TNIK: variants seen among roughly 807,000 people sequenced by gnomAD.
TNIK encodes the protein TRAF2 and NCK interacting kinase.
In TNIK, 49 loss-of-function variants were observed where a neutral mutation model predicts 191.3. That is an observed-to-expected ratio of 0.26 (90% CI 0.20 to 0.32). TNIK has a LOEUF of 0.32. TNIK is among the 10% of genes least tolerant of loss of function. TNIK has a pLI of 1.00. For synonymous variants in TNIK, 594 were observed against 600.9 expected (o/e 0.99, Z 0.17); for missense variants, 1,155 against 1,702.3 (o/e 0.68, Z 5.66).
Position 171,128,892 on chromosome 3 carries a change from A to C in TNIK, c.1609-14T>G, listed in dbSNP as rs1354847133. On this transcript the variant is annotated splice_polypyrimidine_tract_variant and intron_variant, in intron 15 of 32. Coordinates refer to ENST00000436636, the MANE Select transcript of TNIK (RefSeq NM_015028.4). ...CCGTTCTTCTACCTACAACCCAAAA[A>C]AAAAAAAAAAAAAAAGACAGCCTCA... 7.5e-7 allele frequency: 1 copy of C among 1,328,256 alleles called. No individual in the cohort carries two copies. Among genetic ancestry groups the C allele is most frequent in the Non-Finnish European group, 1.0e-6 (1 of 984,886 alleles). The allele number at this position is 1,328,256 out of a possible 1,614,324, so 82.3% of individuals were successfully genotyped here. A position where few individuals can be genotyped will look rare whatever the true frequency, so the allele number is the denominator to read the frequency against.
At chr3:171,218,907 T>C (rs1268369049) in intron 3 of TNIK, among the ~76,000 whole-genome samples, 1 of 135,726 alleles carries the variant, frequency 7.4e-6, no homozygotes, top group African/African-American at 2.7e-5. Flanking sequence ...TACATATTTA[T>C]ATTAAATATA....
At chr3:171,402,660 C>CA in intron 1 of TNIK, among the ~76,000 whole-genome samples, 1 of 152,180 alleles carries the variant, frequency 6.6e-6, no homozygotes, top group Non-Finnish European at 1.5e-5. Flanking sequence ...CCTCCAGCTT[C>CA]AAAAAAACAT....
intron 1 of TNIK, among the ~76,000 whole-genome samples, chr3:171,449,552 C>T (rs1402482932): frequency 6.6e-6 from 1 of 151,742 alleles, no homozygotes; most frequent in Non-Finnish European, 1.5e-5. Context: ...ATAATATGTA[C>T]AATATTATCT....
At chr3:171,231,372 G>A (rs1423302978) in intron 2 of TNIK, among the ~76,000 whole-genome samples, 1 of 150,494 alleles carries the variant, frequency 6.6e-6, no homozygotes, top group Non-Finnish European at 1.5e-5. Flanking sequence ...AGGTAACACT[G>A]GAAAAGAAAA....
At chr3:171,224,288 G>T (rs1009057251) in intron 3 of TNIK, among the ~76,000 whole-genome samples, 1 of 151,962 alleles carries the variant, frequency 6.6e-6, no homozygotes, top group Non-Finnish European at 1.5e-5. Context: ...GTGGCGGTTT[G>T]GTACTACAAC....
chr3:171,140,549 C>T, intron 12 of TNIK, 40 bp from the exon 13 acceptor site: 1 of 1,597,064 alleles, frequency 6.3e-7, no homozygotes, highest in Non-Finnish European at 8.6e-7. Flanking sequence ...GGCAACAGGC[C>T]CCGGTGGGGG....
intron 28 of TNIK, among the ~76,000 whole-genome samples, chr3:171,074,569 G>A (rs1007444180): frequency 6.6e-5 from 10 of 151,860 alleles, no homozygotes; most frequent in African/African-American, 2.2e-4. Flanking sequence ...CAGGGTGAAA[G>A]AAGAAATAAA....
intron 1 of TNIK, among the ~76,000 whole-genome samples, chr3:171,374,016 G>T (rs1716890297): frequency 6.6e-6 from 1 of 152,140 alleles, no homozygotes; most frequent in African/African-American, 2.4e-5. Flanking sequence ...ATTTATCTTG[G>T]TATTTCCAGC....
At chr3:171,311,160 A>G (rs1388678143) in intron 2 of TNIK, among the ~76,000 whole-genome samples, 1 of 152,198 alleles carries the variant, frequency 6.6e-6, no homozygotes, top group East Asian at 1.9e-4. Flanking sequence ...AAAAAATTCA[A>G]TTCAGTAGCT....
chr3:171,337,061 T>C (rs1757027287), intron 2 of TNIK, among the ~76,000 whole-genome samples: 2 of 152,108 alleles, frequency 1.3e-5, no homozygotes, highest in South Asian at 2.1e-4. Context: ...ATGAGGATAA[T>C]GAAGTACCTA....
chr3:171,274,353 A>T (rs1442774875), intron 2 of TNIK, among the ~76,000 whole-genome samples: 1 of 152,058 alleles, frequency 6.6e-6, no homozygotes, highest in East Asian at 1.9e-4. Context: ...AAACTGAGCC[A>T]CTCTCTCTCA....
chr3:171,460,177 C>T lies in TNIK; in HGVS notation c.-114G>A, dbSNP rs952716629. 4 of 1,336,620 alleles carry T rather than the reference C, an allele frequency of 3.0e-6. No individual in the cohort carries two copies. Among genetic ancestry groups the T allele is most frequent in the Non-Finnish European group, 4.1e-6 (4 of 967,862 alleles). The allele number at this position is 1,336,620 out of a possible 1,614,324, so 82.8% of individuals were successfully genotyped here. A position where few individuals can be genotyped will look rare whatever the true frequency, so the allele number is the denominator to read the frequency against. ...CATGCGGGTGTCGCGCCAGAGGCCCCGGGCCCAGCCTCCCCCGCCCACCCC... is the reference window on the plus strand; with the variant it reads ...CATGCGGGTGTCGCGCCAGAGGCCCTGGGCCCAGCCTCCCCCGCCCACCCC... On this transcript the variant is annotated 5_prime_UTR_variant, in exon 1 of 33. Coordinates refer to ENST00000436636, the MANE Select transcript of TNIK (RefSeq NM_015028.4). The surrounding 1 kb of genome is among the most constrained non-coding windows in gnomAD (Gnocchi z 6.8).
At position 171,128,887 on chromosome 3, in the gene TNIK, C is replaced by CAAAAAAAAAAAAAA. The variant is rs59293515; in HGVS notation, c.1609-23_1609-10dup. ...CTTGACCGTTCTTCTACCTACAACC[C>CAAAAAAAAAAAAAA]AAAAAAAAAAAAAAAAAAAAGACAG... On this transcript the variant is annotated splice_polypyrimidine_tract_variant and intron_variant, in intron 15 of 32. Transcript: ENST00000436636. 3.2e-6 allele frequency: 4 copies of CAAAAAAAAAAAAAA among 1,245,212 alleles called. No individual in the cohort carries two copies. Among genetic ancestry groups the CAAAAAAAAAAAAAA allele is most frequent in the Admixed American group, 4.2e-5 (1 of 23,936 alleles). The allele number at this position is 1,245,212 out of a possible 1,614,324, so 77.1% of individuals were successfully genotyped here. A position where few individuals can be genotyped will look rare whatever the true frequency, so the allele number is the denominator to read the frequency against.
At chr3:171,106,932 T>C (rs555166037) in intron 21 of TNIK, among the ~76,000 whole-genome samples, 2 of 152,312 alleles carry the variant, frequency 1.3e-5, no homozygotes, top group African/African-American at 4.8e-5. Flanking sequence ...GCATGAATAC[T>C]TGTCATTAGC....
chr3:171,345,170 T>TA (rs1711962243), intron 2 of TNIK, among the ~76,000 whole-genome samples: 1 of 152,194 alleles, frequency 6.6e-6, no homozygotes, highest in South Asian at 2.1e-4. Context: ...CCCTTTTACT[T>TA]ACTGAAATGA....
chr3:171,078,845 G>A (rs899220266), intron 28 of TNIK, among the ~76,000 whole-genome samples: 12 of 152,176 alleles, frequency 7.9e-5, no homozygotes, highest in African/African-American at 2.7e-4. Context: ...GAGCTAAGTA[G>A]GGGTTAGAGG....
Position 171,184,386 on chromosome 3 carries a change from C to G in TNIK, c.639+4316G>C, listed in dbSNP as rs547101520. On this transcript the variant is annotated intron_variant, in intron 7 of 32. Transcript: ENST00000436636. ...TTGTCCATTTTCACTTGTTATGTGA[C>G]CAAAGGGAAAATATTAGAATAGCTC... Among the ~76,000 whole-genome samples, 6 of 152,210 alleles carry G rather than the reference C, an allele frequency of 3.9e-5. No individual in the cohort carries two copies. In the South Asian group the frequency reaches 1.2e-3, roughly 32 times the overall value.
chr3:171,316,115 G>A (rs1353423005), intron 2 of TNIK, among the ~76,000 whole-genome samples: 1 of 152,042 alleles, frequency 6.6e-6, no homozygotes, highest in Admixed American at 6.6e-5. Flanking sequence ...TGTGGGTTTG[G>A]TGCTTATCAC....
At chr3:171,286,567 A>G (rs1233852175) in intron 2 of TNIK, among the ~76,000 whole-genome samples, 1 of 152,202 alleles carries the variant, frequency 6.6e-6, no homozygotes, top group Non-Finnish European at 1.5e-5. Context: ...CCCAGGATGC[A>G]GAGGTTGCAG....
Sources: gnomAD v4.1 joint callset for allele counts (sites outside exome capture counted in the v4.1 genomes callset) on GRCh38, gnomAD v4.1.1 for gene constraint, Gnocchi (gnomAD v3.1) non-coding constraint, MANE v1.5 for transcripts, NCBI Gene and HGNC (gene_info 2026-07-23, HGNC 2026-07-21) for gene names.